The following STPG1 variants were observed in gnomAD, a reference collection of about 807,000 sequenced individuals.
STPG1 encodes O(6)-methylguanine-induced apoptosis 2.
STPG1 carries 33 observed loss-of-function variants against 40.1 expected under a neutral mutation model. The ratio of observed to expected loss-of-function variants is 0.82; its 90% confidence interval spans 0.62 to 1.10. STPG1 has a LOEUF of 1.10. Ranked by LOEUF, STPG1 falls within the 50% of genes least tolerant of loss-of-function variation. STPG1 has a pLI of 0.00. For synonymous variants in STPG1, 150 were observed against 155.0 expected (o/e 0.97, Z 0.24); for missense variants, 396 against 415.1 (o/e 0.95, Z 0.40).
intron 3 of STPG1, among the ~76,000 whole-genome samples, chr1:24,389,563 C>A (rs772135649): frequency 6.6e-6 from 1 of 152,120 alleles, no homozygotes; most frequent in Non-Finnish European, 1.5e-5. Flanking sequence ...CCCTAAGCCT[C>A]GGTTTCCTCT....
intron 7 of STPG1, among the ~76,000 whole-genome samples, chr1:24,362,880 G>A (rs1229330233): frequency 6.6e-6 from 1 of 152,220 alleles, no homozygotes; most frequent in Non-Finnish European, 1.5e-5. Flanking sequence ...CTCCCTGTTT[G>A]CTATGAATCT....
At position 24,399,971 on chromosome 1, in the gene STPG1, C is replaced by A. The variant is rs949618843; in HGVS notation, c.70+1348G>T. ...ACTTTGGAAAACTGTTTGGCAATAT[C>A]AACTAAGCTTACCCTAAACATACCC... On this transcript the variant is annotated intron_variant, in intron 2 of 8. Coordinates refer to ENST00000337248, the MANE Select transcript of STPG1 (RefSeq NM_001199013.2). This position sits in a 1 kb window ranked among gnomAD's most constrained non-coding sequence, Gnocchi z 4.0. Among the ~76,000 whole-genome samples the A allele has an allele frequency of 3.3e-5, 5 of 152,192 alleles. No individual in the cohort carries two copies. Among genetic ancestry groups the A allele is most frequent in the African/African-American group, 1.2e-4 (5 of 41,438 alleles).
chr1:24,392,248 G>A (rs1182226130), intron 2 of STPG1, among the ~76,000 whole-genome samples: 1 of 152,208 alleles, frequency 6.6e-6, no homozygotes, highest in Non-Finnish European at 1.5e-5. Flanking sequence ...GAAGTTAAAA[G>A]TTCCTTTGTC....
At chr1:24,414,009 G>C (rs1643895101), upstream of STPG1, 1 of 152,138 alleles carries the variant, frequency 6.6e-6, no homozygotes. Flanking sequence ...CCTGCTTCAA[G>C]GAATATACCT....
intron 1 of STPG1, among the ~76,000 whole-genome samples, chr1:24,409,692 C>A (rs1482545569): frequency 6.6e-6 from 1 of 152,200 alleles, no homozygotes; most frequent in Admixed American, 6.5e-5. Flanking sequence ...CTCCACCCTA[C>A]CTGGGATGTG....
At chr1:24,360,788 C>G (rs1641053347) in intron 8 of STPG1, 63 bp downstream of exon 8, 2 of 1,458,368 alleles carry the variant, frequency 1.4e-6, no homozygotes, top group East Asian at 2.3e-5. Context: ...ATTTGATGAC[C>G]CAAGAATGAC....
chr1:24,373,551 C>T, intron 6 of STPG1, 151 bp downstream of exon 6: 1 of 599,146 alleles, frequency 1.7e-6, no homozygotes, highest in Non-Finnish European at 3.1e-6. Context: ...TGTCTTCTCA[C>T]CTCTCCTCTT....
intron 1 of STPG1, among the ~76,000 whole-genome samples, chr1:24,413,356 T>G (rs1643823464): frequency 6.6e-6 from 1 of 152,140 alleles, no homozygotes; most frequent in African/African-American, 2.4e-5. Flanking sequence ...CACTGAAGCC[T>G]CCCAACTTTT....
At chr1:24,375,586 T>C (rs1050507242) in intron 5 of STPG1, among the ~76,000 whole-genome samples, 22 of 151,984 alleles carry the variant, frequency 1.4e-4, no homozygotes, top group East Asian at 1.9e-4. Flanking sequence ...TAATAACACA[T>C]TACCAAGGAA....
At position 24,374,510 on chromosome 1, in the gene STPG1, C is replaced by T. The variant is rs1435833121; in HGVS notation, c.463-700G>A. On this transcript the variant is annotated intron_variant, in intron 5 of 8. Transcript: ENST00000337248. ...TCCTGACCTCGTGATCCGCCCGCCT[C>T]GGCCTCCCAAAGTGCTGGGATTACA... Among the ~76,000 whole-genome samples the T allele has an allele frequency of 4.6e-5, 7 of 152,194 alleles. No individual in the cohort carries two copies. In the South Asian group the frequency reaches 1.2e-3, roughly 27 times the overall value.
chr1:24,369,495 A>G (rs944819771), intron 7 of STPG1, 179 bp downstream of exon 7: 15 of 711,378 alleles, frequency 2.1e-5, no homozygotes, highest in Non-Finnish European at 2.6e-5. Flanking sequence ...TGGTTGCTCA[A>G]TAAGTATCAG....
intron 1 of STPG1, among the ~76,000 whole-genome samples, chr1:24,406,563 C>T (rs1643423645): frequency 6.6e-6 from 1 of 152,048 alleles, no homozygotes; most frequent in Non-Finnish European, 1.5e-5. Flanking sequence ...TCTGATAATG[C>T]ATTCTCTAGG....
chr1:24,372,633 C>T (rs1446922588), intron 6 of STPG1, among the ~76,000 whole-genome samples: 1 of 152,210 alleles, frequency 6.6e-6, no homozygotes, highest in Non-Finnish European at 1.5e-5. Context: ...GGCAGGAGAG[C>T]ATGAACTGGG....
intron 5 of STPG1, among the ~76,000 whole-genome samples, chr1:24,375,902 G>A (rs1471486713): frequency 6.6e-6 from 1 of 152,236 alleles, no homozygotes; most frequent in Non-Finnish European, 1.5e-5. Context: ...GACTGAAGCA[G>A]ATTTATTGTA....
At position 24,357,530 on chromosome 1, in the gene STPG1, G is replaced by C. The variant is rs1640803660; in HGVS notation, c.*1013C>G. 6.5e-6 allele frequency: 1 copy of C among 153,660 alleles called. No individual in the cohort carries two copies. Among genetic ancestry groups the C allele is most frequent in the Non-Finnish European group, 1.4e-5 (1 of 68,970 alleles). 9.5% of individuals were successfully genotyped at this position (153,660 alleles called of 1,614,324 possible). A position where few individuals can be genotyped will look rare whatever the true frequency, so the allele number is the denominator to read the frequency against. ...GCCTCAGTACTTTTTAAAGTCCCCAGGTGATTACAGTGTGCAGTCAAGGCT... is the reference window on the plus strand; with the variant it reads ...GCCTCAGTACTTTTTAAAGTCCCCACGTGATTACAGTGTGCAGTCAAGGCT... On this transcript the variant is annotated 3_prime_UTR_variant, in exon 9 of 9. Transcript: ENST00000337248.
chr1:24,391,607 T>C lies in STPG1; in HGVS notation c.143A>G (p.Glu48Gly). The C allele has an allele frequency of 6.5e-7, 1 of 1,549,500 alleles. No individual in the cohort carries two copies. The highest frequency in any genetic ancestry group is 2.0e-5 in the Admixed American group (1 of 50,996). The change falls in exon 3 of 9, where the codon GAA (glutamate) becomes GGA (glycine). Residue 48 changes from glutamate to glycine, a missense_variant. By Grantham distance (98) the Glu-to-Gly change is moderately conservative. Coordinates refer to ENST00000337248, the MANE Select transcript of STPG1 (RefSeq NM_001199013.2). ...KSQASVIPES[E>G]KKGFNSQAKR... Reference sequence around the variant, plus strand: ...GGCTTGACTATTGAATCCTTTTTTTTCTGATTCTGGGATTACTGAAGCTTG... The same window carrying C: ...GGCTTGACTATTGAATCCTTTTTTTCCTGATTCTGGGATTACTGAAGCTTG...
chr1:24,411,585 A>T (rs756164003), intron 1 of STPG1: 8 of 152,104 alleles, frequency 5.3e-5, no homozygotes, highest in Non-Finnish European at 1.0e-4. Context: ...AGGACTACAG[A>T]CACCTGCCAC....
At chr1:24,394,795 G>A (rs1007166891) in intron 2 of STPG1, among the ~76,000 whole-genome samples, 1 of 151,850 alleles carries the variant, frequency 6.6e-6, no homozygotes, top group African/African-American at 2.4e-5. Context: ...ACAGAAAAAG[G>A]ACAAGAAAAA....
At chr1:24,387,629 G>A (rs1247955394) in intron 3 of STPG1, among the ~76,000 whole-genome samples, 2 of 152,148 alleles carry the variant, frequency 1.3e-5, no homozygotes, top group Non-Finnish European at 2.9e-5. Context: ...GAAAAGTATG[G>A]ATAATGATGG....
Sources: allele counts gnomAD v4.1 joint callset (sites outside exome capture counted in the v4.1 genomes callset), GRCh38; gene constraint gnomAD v4.1.1; non-coding constraint Gnocchi (gnomAD v3.1); transcripts MANE v1.5; gene names NCBI Gene and HGNC (gene_info 2026-07-23, HGNC 2026-07-21).